Variants in LTBP1 observed in about 807,000 individuals in gnomAD.
LTBP1 encodes the protein latent-transforming growth factor beta-binding protein 1.
Under a neutral mutation model 207.6 loss-of-function variants are expected in LTBP1, and 129 were observed. The observed-to-expected ratio is 0.62, with a 90% CI of 0.54 to 0.72. The LOEUF is 0.72. Among genes scored for constraint, LTBP1 ranks in the 30% least tolerant of loss-of-function variants. LTBP1 has a pLI of 0.00. For synonymous variants in LTBP1, 963 were observed against 833.7 expected (o/e 1.16, Z -2.67); for missense variants, 2,281 against 2,217.2 (o/e 1.03, Z -0.58).
At chr2:33,096,602 GT>G (rs2079406404) in intron 3 of LTBP1, among the ~76,000 whole-genome samples, 1 of 152,154 alleles carries the variant, frequency 6.6e-6, no homozygotes, top group African/African-American at 2.4e-5. Context: ...AGTTTTCAGA[GT>G]TTTTAAAGTG....
rs764325868 is a variant in LTBP1, at chr2:33,389,211, C to T, written c.4739C>T (p.Pro1580Leu). The change falls in exon 32 of 34, where the codon CCC (proline) becomes CTC (leucine). Residue 1580 changes from proline to leucine, a missense_variant. Pro to Leu is a moderately conservative substitution (Grantham distance 98). Coordinates refer to ENST00000404816, the MANE Select transcript of LTBP1 (RefSeq NM_206943.4). ...GACTATGCTCAGCTGTGTAACATCC[C>T]CGTGACGGGACGCCGGCAGCCATAT... ...SDDYAQLCNIPVTGRRQPYGR... is the reference protein window; with the variant it reads ...SDDYAQLCNILVTGRRQPYGR... 3.7e-6 allele frequency: 6 copies of T among 1,614,014 alleles called. No individual in the cohort carries two copies. The Admixed American group carries it at 8.3e-5, about 22-fold the overall frequency.
intron 28 of LTBP1, among the ~76,000 whole-genome samples, chr2:33,362,191 A>AT (rs1040722200): frequency 1.1e-4 from 16 of 152,014 alleles, no homozygotes; most frequent in South Asian, 6.2e-4. Flanking sequence ...ATACAAAGTG[A>AT]TTTTTTTTCC....
chr2:33,378,527 C>T (rs939509056), intron 31 of LTBP1, among the ~76,000 whole-genome samples: 2 of 152,172 alleles, frequency 1.3e-5, no homozygotes, highest in Non-Finnish European at 2.9e-5. Context: ...TCACCACGCC[C>T]AGCATACTTT....
At position 33,213,055 on chromosome 2, in the gene LTBP1, T is replaced by G. The variant is rs145236272; in HGVS notation, c.1702-4497T>G. On this transcript the variant is annotated intron_variant, in intron 7 of 33. Coordinates refer to ENST00000404816, the MANE Select transcript of LTBP1 (RefSeq NM_206943.4). ...GTTCCGCCTTTCCTCAGTTGATCCTTACAGGACCTGGTTGCCAGAACTTTC... is the reference window on the plus strand; with the variant it reads ...GTTCCGCCTTTCCTCAGTTGATCCTGACAGGACCTGGTTGCCAGAACTTTC... 2.0e-5 allele frequency among the ~76,000 whole-genome samples: 3 copies of G among 152,248 alleles called. No homozygotes were observed. In the East Asian group the frequency reaches 5.8e-4, roughly 29 times the overall value.
chr2:33,027,515 A>C (rs2075479458), intron 3 of LTBP1, among the ~76,000 whole-genome samples: 1 of 152,144 alleles, frequency 6.6e-6, no homozygotes, highest in African/African-American at 2.4e-5. Context: ...GGTTCTTAAT[A>C]CTGCTGTATA....
chr2:33,385,499 T>A (rs1191515570), intron 31 of LTBP1, among the ~76,000 whole-genome samples: 1 of 152,252 alleles, frequency 6.6e-6, no homozygotes. Flanking sequence ...ATGCTTCAAA[T>A]TTTTAAAATA....
intron 3 of LTBP1, among the ~76,000 whole-genome samples, chr2:33,101,314 A>G (rs1426673986): frequency 6.6e-6 from 1 of 152,172 alleles, no homozygotes; most frequent in Non-Finnish European, 1.5e-5. Flanking sequence ...TTTTTTCTTA[A>G]GTATACACTT....
At chr2:33,179,551 T>C (rs1188668695) in intron 5 of LTBP1, among the ~76,000 whole-genome samples, 3 of 152,110 alleles carry the variant, frequency 2.0e-5, no homozygotes, top group Non-Finnish European at 4.4e-5. Context: ...GTTGTGTCTT[T>C]TGCATGTACT....
At chr2:33,180,054 T>G (rs943885919) in intron 5 of LTBP1, among the ~76,000 whole-genome samples, 2 of 152,214 alleles carry the variant, frequency 1.3e-5, no homozygotes, top group Non-Finnish European at 2.9e-5. Context: ...TTATTTGTTC[T>G]TCTGTAAACA....
At chr2:33,080,346 C>T (rs1283691948) in intron 3 of LTBP1, among the ~76,000 whole-genome samples, 1 of 152,180 alleles carries the variant, frequency 6.6e-6, no homozygotes, top group Non-Finnish European at 1.5e-5. Context: ...ATGTTTTAAA[C>T]TAGAACCAAT....
chr2:33,204,088 C>T (rs776771151), intron 7 of LTBP1, among the ~76,000 whole-genome samples: 1 of 152,058 alleles, frequency 6.6e-6, no homozygotes, highest in Non-Finnish European at 1.5e-5. Flanking sequence ...TGAAATCTGC[C>T]CCATAAAGTT....
intron 7 of LTBP1, among the ~76,000 whole-genome samples, chr2:33,212,219 T>G (rs2090362907): frequency 6.6e-6 from 1 of 152,214 alleles, no homozygotes; most frequent in African/African-American, 2.4e-5. Flanking sequence ...ATGCACTCAG[T>G]GTTCCAGGAA....
chr2:32,947,899 G>A (rs939144211), intron 1 of LTBP1, 81 bp downstream of exon 1: 1 of 1,193,358 alleles, frequency 8.4e-7, no homozygotes, highest in African/African-American at 1.6e-5. Context: ...AGGGCCACTC[G>A]GAGCCCCGCG....
intron 13 of LTBP1, among the ~76,000 whole-genome samples, chr2:33,261,538 G>A (rs986962706): frequency 1.3e-5 from 2 of 149,796 alleles, no homozygotes; most frequent in Admixed American, 6.7e-5. Context: ...AGGGTGGTGG[G>A]ATCTATGGAT....
chr2:32,961,822 G>A (rs562912553), intron 2 of LTBP1, among the ~76,000 whole-genome samples: 4 of 151,978 alleles, frequency 2.6e-5, no homozygotes, highest in Admixed American at 6.5e-5. Flanking sequence ...GGTGGGCGCC[G>A]GTAATCCCAG....
At chr2:33,278,761 G>GA (rs1384904336) in intron 18 of LTBP1, among the ~76,000 whole-genome samples, 1 of 152,050 alleles carries the variant, frequency 6.6e-6, no homozygotes, top group Admixed American at 6.6e-5. Flanking sequence ...ATGCTATTTG[G>GA]AAAATGAAAC....
intron 15 of LTBP1, among the ~76,000 whole-genome samples, chr2:33,270,612 G>C (rs1347834199): frequency 9.9e-6 from 1 of 101,470 alleles, no homozygotes; most frequent in Non-Finnish European, 2.1e-5. Context: ...AAAAAAAAAA[G>C]AATGGAATCC....
intron 24 of LTBP1, among the ~76,000 whole-genome samples, chr2:33,341,371 A>T (rs1174114139): frequency 6.6e-6 from 1 of 151,902 alleles, no homozygotes; most frequent in Non-Finnish European, 1.5e-5. Context: ...AGGAGAAGGG[A>T]TGTAGGTTTT....
chr2:33,053,587 G>C (rs1408916569), intron 3 of LTBP1, among the ~76,000 whole-genome samples: 1 of 151,978 alleles, frequency 6.6e-6, no homozygotes, highest in Admixed American at 6.6e-5. Context: ...AGAGGGGCCT[G>C]GCTATTTTGC....
Sources: gnomAD v4.1 joint callset for allele counts (sites outside exome capture counted in the v4.1 genomes callset) on GRCh38, gnomAD v4.1.1 for gene constraint, MANE v1.5 for transcripts, NCBI Gene and HGNC (gene_info 2026-07-23, HGNC 2026-07-21) for gene names.